ARHGAP28: variants seen among roughly 807,000 people sequenced by gnomAD.
ARHGAP28 encodes rho GTPase-activating protein 28.
A neutral mutation model predicts 90.7 loss-of-function variants in ARHGAP28; 56 were observed. That is an observed-to-expected ratio of 0.62 (90% CI 0.50 to 0.77). The LOEUF is 0.77. Ranked by LOEUF, ARHGAP28 falls within the 30% of genes least tolerant of loss-of-function variation. The pLI, the probability that ARHGAP28 is intolerant of heterozygous loss-of-function variation, is 0.00. For synonymous variants in ARHGAP28, 308 were observed against 323.3 expected (o/e 0.95, Z 0.51); for missense variants, 869 against 900.9 (o/e 0.96, Z 0.45).
chr18:6,744,543 C>G (rs755085540), intron 1 of ARHGAP28, among the ~76,000 whole-genome samples: 3 of 152,244 alleles, frequency 2.0e-5, no homozygotes, highest in Non-Finnish European at 2.9e-5. Context: ...TATGATAACA[C>G]CTTTCTCCCC....
chr18:6,914,188 G>T lies in ARHGAP28; in HGVS notation c.*2034G>T, dbSNP rs1221950989. The T allele has an allele frequency of 6.6e-6, 1 of 152,102 alleles. No individual in the cohort carries two copies. Among genetic ancestry groups the T allele is most frequent in the Non-Finnish European group, 1.5e-5 (1 of 68,004 alleles). 9.4% of individuals were successfully genotyped at this position (152,102 alleles called of 1,614,324 possible). A position where few individuals can be genotyped will look rare whatever the true frequency, so the allele number is the denominator to read the frequency against. ...TTAGAACCTATGAGTAAATTCTGAA[G>T]GTTTTAAGATTTACTTCAGCTTGTC... is the stretch of plus-strand genomic sequence containing the variant. On this transcript the variant is annotated 3_prime_UTR_variant, in exon 18 of 18. Transcript: ENST00000383472.
chr18:6,861,253 C>A (rs1244313565), intron 5 of ARHGAP28, among the ~76,000 whole-genome samples: 1 of 152,172 alleles, frequency 6.6e-6, no homozygotes, highest in African/African-American at 2.4e-5. Flanking sequence ...CCTCTTCATG[C>A]GCATCTCTGA....
intron 1 of ARHGAP28, among the ~76,000 whole-genome samples, chr18:6,756,935 A>C (rs886594377): frequency 6.6e-6 from 1 of 152,122 alleles, no homozygotes; most frequent in East Asian, 1.9e-4. Flanking sequence ...AGTTGATTGG[A>C]TGGTGCCCAC....
chr18:6,829,605 T>C (rs983924198), intron 2 of ARHGAP28, among the ~76,000 whole-genome samples: 5 of 152,210 alleles, frequency 3.3e-5, no homozygotes, highest in African/African-American at 9.7e-5. Context: ...CTGATCAAGA[T>C]AGATAACATT....
intron 3 of ARHGAP28, among the ~76,000 whole-genome samples, chr18:6,841,203 C>CTCTCTCTCTCTCTCTCTCTCTCT (rs754874496): frequency 2.4e-5 from 1 of 41,978 alleles, no homozygotes; most frequent in African/African-American, 1.2e-4. Context: ...CTCTCTCTCT[C>CTCTCTCTCTCTCTCTCTCTCTCT]CTCTCCTCTC....
At chr18:6,850,874 T>G in intron 3 of ARHGAP28, 160 bp from the exon 4 acceptor site, 1 of 1,537,792 alleles carries the variant, frequency 6.5e-7, no homozygotes, top group Non-Finnish European at 8.7e-7. Flanking sequence ...TATGAATGAA[T>G]TGGTAAGTGC....
intron 3 of ARHGAP28, 55 bp from the exon 4 acceptor site, chr18:6,850,979 A>G: frequency 1.9e-6 from 3 of 1,602,546 alleles, no homozygotes; most frequent in South Asian, 2.2e-5. Context: ...GTGAATACGC[A>G]GTCATATTTG....
At chr18:6,741,391 A>G (rs1351849041) in intron 1 of ARHGAP28, among the ~76,000 whole-genome samples, 2 of 152,240 alleles carry the variant, frequency 1.3e-5, no homozygotes, top group Non-Finnish European at 2.9e-5. Flanking sequence ...AGAAAGCTGC[A>G]GGCTAGAGGA....
chr18:6,765,317 A>G (rs912023327), intron 1 of ARHGAP28, among the ~76,000 whole-genome samples: 1 of 152,174 alleles, frequency 6.6e-6, no homozygotes, highest in Non-Finnish European at 1.5e-5. Context: ...CAATTTCTTT[A>G]ATAAATATGG....
intron 1 of ARHGAP28, among the ~76,000 whole-genome samples, chr18:6,796,821 T>TACACAC (rs142406008): frequency 2.6e-5 from 4 of 151,982 alleles, no homozygotes; most frequent in African/African-American, 9.7e-5. Flanking sequence ...TTTTTGTGTG[T>TACACAC]ACACACATAC....
At chr18:6,859,423 T>C (rs1384935983) in intron 4 of ARHGAP28, among the ~76,000 whole-genome samples, 1 of 152,224 alleles carries the variant, frequency 6.6e-6, no homozygotes, top group East Asian at 1.9e-4. Context: ...AATGAACCTA[T>C]ATTTTTTTCT....
At chr18:6,809,493 A>T (rs1160736958) in intron 1 of ARHGAP28, among the ~76,000 whole-genome samples, 1 of 152,172 alleles carries the variant, frequency 6.6e-6, no homozygotes, top group Non-Finnish European at 1.5e-5. Context: ...TGTGGGTTGT[A>T]CAGGCTTCTG....
At chr18:6,839,876 T>G (rs767751988) in intron 3 of ARHGAP28, among the ~76,000 whole-genome samples, 38 of 152,256 alleles carry the variant, frequency 2.5e-4, no homozygotes, top group Non-Finnish European at 4.7e-4. Flanking sequence ...CTTGTCATGA[T>G]CATTCATGTT....
chr18:6,819,351 A>G lies in ARHGAP28; in HGVS notation c.123-5411A>G, dbSNP rs552333497. On this transcript the variant is annotated intron_variant, in intron 1 of 17. Transcript: ENST00000383472. ...AAAAAAGGAATAAATATAAAAATCT[A>G]TATTTTAAAAACTATGTTGGAGAGC... Among the ~76,000 whole-genome samples, 22 of 152,322 alleles carry G rather than the reference A, an allele frequency of 1.4e-4. No individual in the cohort carries two copies. The South Asian group carries it at 3.7e-3, about 26-fold the overall frequency.
intron 1 of ARHGAP28, among the ~76,000 whole-genome samples, chr18:6,793,331 A>G (rs764430599): frequency 1.3e-5 from 2 of 152,132 alleles, no homozygotes; most frequent in Non-Finnish European, 2.9e-5. Flanking sequence ...TGCTCCTCTA[A>G]TAATTCTCTG....
chr18:6,770,343 A>T (rs576193912), intron 1 of ARHGAP28, among the ~76,000 whole-genome samples: 2 of 152,356 alleles, frequency 1.3e-5, no homozygotes, highest in Non-Finnish European at 2.9e-5. Context: ...CCAAATACTC[A>T]GTGCTGTCTT....
At chr18:6,783,432 G>T (rs1007706132) in intron 1 of ARHGAP28, among the ~76,000 whole-genome samples, 2 of 144,058 alleles carry the variant, frequency 1.4e-5, no homozygotes, top group Non-Finnish European at 2.9e-5. Context: ...CTCCCAAGTA[G>T]CTGGGATTAC....
At chr18:6,834,024 C>G (rs2143836817) in intron 2 of ARHGAP28, among the ~76,000 whole-genome samples, 1 of 152,028 alleles carries the variant, frequency 6.6e-6, no homozygotes, top group African/African-American at 2.4e-5. Flanking sequence ...ACAGATGTTG[C>G]ATAGAGCAGG....
In ARHGAP28 at chr18:6,912,767, C is replaced by T. The variant is rs2057405733; in HGVS notation, c.*613C>T. ...ATGTCAGGCTGTGTATTGTGACTAT[C>T]AGCATTCTGGTGCAAATGAACTTTT... is the stretch of plus-strand genomic sequence containing the variant. On this transcript the variant is annotated 3_prime_UTR_variant, in exon 18 of 18. Coordinates refer to ENST00000383472, the MANE Select transcript of ARHGAP28 (RefSeq NM_001366230.1). The T allele has an allele frequency of 1.3e-5, 2 of 152,214 alleles. No individual in the cohort carries two copies. The highest frequency in any genetic ancestry group is 4.8e-5 in the African/African-American group (2 of 41,468). 9.4% of individuals were successfully genotyped at this position (152,214 alleles called of 1,614,324 possible).
Sources: gnomAD v4.1 joint callset for allele counts (sites outside exome capture counted in the v4.1 genomes callset) on GRCh38, gnomAD v4.1.1 for gene constraint, MANE v1.5 for transcripts, NCBI Gene and HGNC (gene_info 2026-07-23, HGNC 2026-07-21) for gene names.